Variants in TAF4B observed in about 807,000 individuals in gnomAD.
TAF4B encodes TATA-box binding protein associated factor 4b, also known as transcription initiation factor TFIID subunit 4B.
TAF4B carries 38 observed loss-of-function variants against 86.4 expected under a neutral mutation model. That is an observed-to-expected ratio of 0.44 (90% CI 0.34 to 0.58). TAF4B has a LOEUF of 0.58. Among genes scored for constraint, TAF4B ranks in the 20% least tolerant of loss-of-function variants. The probability of loss-of-function intolerance (pLI) is 0.02; values close to 1 mark genes in which losing one functional copy is unlikely to be tolerated. For missense variants in TAF4B, 988 were observed against 1,027.6 expected (o/e 0.96, Z 0.53); for synonymous variants, 388 against 391.2 (o/e 0.99, Z 0.10).
intron 14 of TAF4B, among the ~76,000 whole-genome samples, chr18:26,379,479 A>G (rs1232225076): frequency 6.6e-6 from 1 of 152,070 alleles, no homozygotes; most frequent in African/African-American, 2.4e-5. Context: ...GCATCACCTT[A>G]TAGCTTATGT....
chr18:26,236,923 C>T (rs8095490), intron 1 of TAF4B, among the ~76,000 whole-genome samples: 12,132 of 149,748 alleles, frequency 0.081, 1,491 homozygotes, highest in African/African-American at 0.27. Context: ...TCAAGGGTGT[C>T]GGGTGACAGG....
chr18:26,364,142 A>G (rs2057351845), intron 14 of TAF4B, among the ~76,000 whole-genome samples: 1 of 152,188 alleles, frequency 6.6e-6, no homozygotes, highest in Admixed American at 6.5e-5. Flanking sequence ...TTGGAAATTT[A>G]CACTTGATAT....
intron 1 of TAF4B, among the ~76,000 whole-genome samples, chr18:26,244,833 C>A (rs1489114790): frequency 1.3e-5 from 2 of 152,108 alleles, no homozygotes; most frequent in Non-Finnish European, 2.9e-5. Flanking sequence ...GTCTGACAGG[C>A]ATTAGGACGC....
intron 1 of TAF4B, among the ~76,000 whole-genome samples, chr18:26,256,775 A>G (rs1485016579): frequency 6.7e-6 from 1 of 148,624 alleles, no homozygotes; most frequent in Admixed American, 6.7e-5. Flanking sequence ...CCCATTGGTT[A>G]CTTAGAAGTG....
rs115097498 is a variant in TAF4B, at chr18:26,254,616, G to A, written c.344-10554G>A. Among the ~76,000 whole-genome samples the A allele has an allele frequency of 4.1e-3, 627 of 152,244 alleles. 5 individuals carry two copies. The highest frequency in any genetic ancestry group is 0.013 in the African/African-American group (535 of 41,550). ...ATTAACCTTTGTTTTGTGCCATCCC[G>A]AAGACTTGCACATTTTTTCAGATAG... On this transcript the variant is annotated intron_variant, in intron 1 of 14. Coordinates refer to ENST00000269142, the MANE Select transcript of TAF4B (RefSeq NM_005640.3).
chr18:26,238,575 A>C (rs991459940), intron 1 of TAF4B, among the ~76,000 whole-genome samples: 1 of 152,042 alleles, frequency 6.6e-6, no homozygotes, highest in African/African-American at 2.4e-5. Context: ...ATAAGTAATG[A>C]ACTAATATTT....
chr18:26,281,763 A>T (rs558508904), intron 5 of TAF4B, among the ~76,000 whole-genome samples: 1 of 152,316 alleles, frequency 6.6e-6, no homozygotes, highest in African/African-American at 2.4e-5. Flanking sequence ...AAACAAAAAA[A>T]ATCACCCCTT....
rs551155639 is a variant in TAF4B at position 26,291,706 on chromosome 18, C to CAAAA, written c.1591-527_1591-524dup. Reference sequence around the variant, plus strand: ...TGGGTGACAGAGCAAGACTCTGTCTCAAAAAAAAAAAAAAAAGAAAATACT... The same window carrying CAAAA: ...TGGGTGACAGAGCAAGACTCTGTCTCAAAAAAAAAAAAAAAAAAAAGAAAATACT... On this transcript the variant is annotated intron_variant, in intron 7 of 14. Transcript: ENST00000269142. Among the ~76,000 whole-genome samples the CAAAA allele has an allele frequency of 1.1e-3, 124 of 111,800 alleles. 2 individuals are homozygous for CAAAA. The highest frequency in any genetic ancestry group is 4.3e-3 in the African/African-American group (118 of 27,612). 73.3% of individuals were successfully genotyped at this position (111,800 alleles called of 152,430 possible).
chr18:26,341,339 C>T (rs529903560), intron 13 of TAF4B, among the ~76,000 whole-genome samples: 1 of 151,936 alleles, frequency 6.6e-6, no homozygotes, highest in African/African-American at 2.4e-5. Context: ...TGTCATTGAG[C>T]TCTTAGATTT....
At chr18:26,344,088 A>C (rs1211567870) in intron 13 of TAF4B, among the ~76,000 whole-genome samples, 1 of 152,230 alleles carries the variant, frequency 6.6e-6, no homozygotes, top group Admixed American at 6.5e-5. Flanking sequence ...ATAAAGAATA[A>C]AGTTATAAAA....
At position 26,321,147 on chromosome 18, in the gene TAF4B, G is replaced by A; in HGVS notation, c.2080G>A (p.Gly694Ser). Residue 694 changes from glycine to serine, a missense_variant, in exon 11 of 15, where the codon GGC becomes AGC. Transcript: ENST00000269142. ...CCAAGCAACACAGGAACGACTACGA[G>A]GCCTTCTAGAAAAACTGACTGCAAT... ...ISQATQERLRGLLEKLTAIAQ... is the reference protein window; with the variant it reads ...ISQATQERLRSLLEKLTAIAQ... 4 of 1,613,772 alleles carry A rather than the reference G, an allele frequency of 2.5e-6. No individual in the cohort carries two copies. Among genetic ancestry groups the A allele is most frequent in the Non-Finnish European group, 3.4e-6 (4 of 1,179,824 alleles).
chr18:26,296,890 A>G (rs1475949879), intron 9 of TAF4B, among the ~76,000 whole-genome samples: 1 of 145,088 alleles, frequency 6.9e-6, no homozygotes, highest in African/African-American at 2.6e-5. Flanking sequence ...CTGTAATCCC[A>G]GCACTTTGGG....
rs59457633 is a variant in TAF4B at position 26,309,245 on chromosome 18, A to AT, written c.1833-5949dup. ...CACTTTAGGGAAAAAACCTGACAGT[A>AT]TTTTTTTTTTTTTTTTTTTTTTTTT... On this transcript the variant is annotated intron_variant, in intron 9 of 14. Coordinates refer to ENST00000269142, the MANE Select transcript of TAF4B (RefSeq NM_005640.3). 8.4e-4 allele frequency among the ~76,000 whole-genome samples: 71 copies of AT among 84,572 alleles called. 5 individuals are homozygous for AT. The highest frequency in any genetic ancestry group is 2.5e-3 in the African/African-American group (64 of 25,990). The allele number at this position is 84,572 out of a possible 152,430, so 55.5% of individuals were successfully genotyped here.
chr18:26,330,184 G>T lies in TAF4B; in HGVS notation c.2259+3044G>T, dbSNP rs573131139. Among the ~76,000 whole-genome samples the T allele has an allele frequency of 2.0e-5, 3 of 152,226 alleles. No individual in the cohort carries two copies. In the South Asian group the frequency reaches 6.2e-4, roughly 32 times the overall value. ...TTGCAAAATGTCAATTTATTCCCAT[G>T]AACTCTCCTCGTTTTATTAGCACCC... On this transcript the variant is annotated intron_variant, in intron 12 of 14. Transcript: ENST00000269142.
chr18:26,325,868 G>A (rs773851935), intron 11 of TAF4B, among the ~76,000 whole-genome samples: 3 of 152,010 alleles, frequency 2.0e-5, no homozygotes, highest in Non-Finnish European at 4.4e-5. Context: ...ATATATCCTT[G>A]TTCCTTAAAC....
At chr18:26,367,264 G>T (rs1213244651) in intron 14 of TAF4B, among the ~76,000 whole-genome samples, 2 of 152,212 alleles carry the variant, frequency 1.3e-5, no homozygotes, top group Non-Finnish European at 2.9e-5. Context: ...GGAGACCCAG[G>T]TAAGTTGGTG....
chr18:26,309,573 A>G (rs1487270555), intron 9 of TAF4B, among the ~76,000 whole-genome samples: 2 of 152,116 alleles, frequency 1.3e-5, no homozygotes, highest in African/African-American at 4.8e-5. Context: ...AATAGAAGGC[A>G]GTACCACTCT....
chr18:26,346,859 GTGTATATATATATA>G (rs1238644429), intron 13 of TAF4B, among the ~76,000 whole-genome samples: 128 of 8,142 alleles, frequency 0.016, 8 homozygotes, highest in Middle Eastern at 0.12. Flanking sequence ...ATATATATAT[GTGTATATATATATA>G]TGTGTATATA....
intron 14 of TAF4B, among the ~76,000 whole-genome samples, chr18:26,375,610 G>A (rs1327551730): frequency 6.6e-6 from 1 of 152,168 alleles, no homozygotes; most frequent in African/African-American, 2.4e-5. Context: ...AATGTGTGTA[G>A]AAGTAGTATC....
Sources: allele counts gnomAD v4.1 joint callset (sites outside exome capture counted in the v4.1 genomes callset), GRCh38; gene constraint gnomAD v4.1.1; transcripts MANE v1.5; gene names NCBI Gene and HGNC (gene_info 2026-07-23, HGNC 2026-07-21).